TOX: variants seen among roughly 807,000 people sequenced by gnomAD.
The protein encoded by TOX is thymocyte selection-associated high mobility group box protein TOX.
A neutral mutation model predicts 53.7 loss-of-function variants in TOX; 11 were observed. The ratio of observed to expected loss-of-function variants is 0.20; its 90% CI spans 0.13 to 0.34. TOX has a LOEUF of 0.34. Ranked by LOEUF, TOX falls within the 10% of genes least tolerant of loss-of-function variation. The pLI is 1.00. For synonymous variants in TOX, 225 were observed against 245.3 expected, an observed-to-expected ratio of 0.92 and a Z score of 0.77; for missense variants, 570 against 664.6, an observed-to-expected ratio of 0.86 and a Z score of 1.56.
At chr8:58,967,154 G>A (rs545270126) in intron 1 of TOX, among the ~76,000 whole-genome samples, 79 of 152,218 alleles carry the variant, frequency 5.2e-4, no homozygotes, top group Middle Eastern at 3.4e-3. Context: ...GATTACAGGC[G>A]TGAGCCACCA....
intron 1 of TOX, among the ~76,000 whole-genome samples, chr8:58,967,614 C>G (rs1404235707): frequency 6.6e-6 from 1 of 152,206 alleles, no homozygotes; most frequent in African/African-American, 2.4e-5. Flanking sequence ...GGGTAACATA[C>G]TCTGAGAGTG....
At chr8:58,852,754 G>A (rs1810846632) in intron 3 of TOX, among the ~76,000 whole-genome samples, 1 of 152,126 alleles carries the variant, frequency 6.6e-6, no homozygotes, top group African/African-American at 2.4e-5. Flanking sequence ...CAGGCAGGTA[G>A]AGGGCACACA....
intron 1 of TOX, among the ~76,000 whole-genome samples, chr8:59,009,119 T>G (rs1481796467): frequency 6.6e-6 from 1 of 151,678 alleles, no homozygotes; most frequent in Non-Finnish European, 1.5e-5. Context: ...CCATCCTACT[T>G]TCTTCTCTCC....
intron 1 of TOX, among the ~76,000 whole-genome samples, chr8:59,092,300 T>TAC (rs1563443769): frequency 3.4e-4 from 37 of 109,774 alleles, no homozygotes; most frequent in African/African-American, 2.0e-3. Context: ...ACATTATATA[T>TAC]ATTATATATT....
chr8:58,966,289 A>C (rs756871330), intron 1 of TOX, among the ~76,000 whole-genome samples: 4 of 152,198 alleles, frequency 2.6e-5, no homozygotes, highest in Non-Finnish European at 4.4e-5. Context: ...GATCACACTG[A>C]AAGGAAAGAG....
intron 1 of TOX, among the ~76,000 whole-genome samples, chr8:59,063,574 C>T (rs938599993): frequency 6.6e-6 from 1 of 151,858 alleles, no homozygotes; most frequent in East Asian, 1.9e-4. Flanking sequence ...CAGGTGCATG[C>T]CACCACGCCG....
intron 6 of TOX, among the ~76,000 whole-genome samples, chr8:58,823,887 C>T (rs1810322349): frequency 6.6e-6 from 1 of 152,134 alleles, no homozygotes; most frequent in South Asian, 2.1e-4. Context: ...AATGCAAAGT[C>T]ATATTTGGGG....
chr8:58,930,635 A>G (rs1426804512), intron 3 of TOX, among the ~76,000 whole-genome samples: 1 of 152,160 alleles, frequency 6.6e-6, no homozygotes, highest in Non-Finnish European at 1.5e-5. Flanking sequence ...TCAGTTCTAG[A>G]AGAAGCACTG....
chr8:58,896,022 A>G (rs1811638325), intron 3 of TOX, among the ~76,000 whole-genome samples: 1 of 152,232 alleles, frequency 6.6e-6, no homozygotes, highest in African/African-American at 2.4e-5. Flanking sequence ...GGAGTAGTTA[A>G]TAAATATCAG....
At chr8:58,893,335 GTTTATC>G (rs1325290132) in intron 3 of TOX, among the ~76,000 whole-genome samples, 1 of 152,046 alleles carries the variant, frequency 6.6e-6, no homozygotes, top group Non-Finnish European at 1.5e-5. Context: ...CGAAGACATT[GTTTATC>G]TTTATATAAT....
At chr8:58,849,815 A>G (rs1445948261) in intron 4 of TOX, among the ~76,000 whole-genome samples, 1 of 152,220 alleles carries the variant, frequency 6.6e-6, no homozygotes, top group East Asian at 1.9e-4. Flanking sequence ...TATAGTACAT[A>G]TCATCTGTGT....
intron 1 of TOX, among the ~76,000 whole-genome samples, chr8:58,966,303 A>G (rs1265515380): frequency 6.6e-6 from 1 of 152,246 alleles, no homozygotes; most frequent in Non-Finnish European, 1.5e-5. Flanking sequence ...GAAAGAGACC[A>G]GACTGAGCCG....
At chr8:59,030,039 A>T (rs187783253) in intron 1 of TOX, among the ~76,000 whole-genome samples, 267 of 152,282 alleles carry the variant, frequency 1.8e-3, no homozygotes, top group African/African-American at 6.1e-3. Flanking sequence ...TATAATACTG[A>T]TACATCAAAT....
intron 1 of TOX, among the ~76,000 whole-genome samples, chr8:59,097,656 G>A (rs1371588622): frequency 6.6e-6 from 1 of 152,094 alleles, no homozygotes; most frequent in African/African-American, 2.4e-5. Flanking sequence ...TAACTCAACA[G>A]TTAACACTCA....
At chr8:59,000,392 A>G (rs1468423408) in intron 1 of TOX, among the ~76,000 whole-genome samples, 1 of 152,322 alleles carries the variant, frequency 6.6e-6, no homozygotes, top group East Asian at 1.9e-4. Context: ...GAGGTGCTAG[A>G]GGCTAGATGA....
chr8:59,086,961 C>T (rs895088239), intron 1 of TOX, among the ~76,000 whole-genome samples: 1 of 151,972 alleles, frequency 6.6e-6, no homozygotes, highest in African/African-American at 2.4e-5. Flanking sequence ...AGGTTCAGTG[C>T]CCTTATGGAG....
intron 1 of TOX, among the ~76,000 whole-genome samples, chr8:59,036,729 C>G (rs1469685518): frequency 6.6e-6 from 1 of 152,166 alleles, no homozygotes; most frequent in East Asian, 1.9e-4. Flanking sequence ...CATTACTGGT[C>G]TTAACACTGA....
chr8:59,040,479 T>G (rs777087552), intron 1 of TOX, among the ~76,000 whole-genome samples: 9 of 152,216 alleles, frequency 5.9e-5, no homozygotes, highest in Non-Finnish European at 1.3e-4. Context: ...ATCATGGGCA[T>G]TTTGTCAAGC....
intron 3 of TOX, among the ~76,000 whole-genome samples, chr8:58,937,894 T>C (rs1343859494): frequency 6.6e-6 from 1 of 152,040 alleles, no homozygotes; most frequent in African/African-American, 2.4e-5. Flanking sequence ...CAAAGAGAAG[T>C]AGGCAGGTGA....
Sources: allele counts gnomAD v4.1 joint callset (sites outside exome capture counted in the v4.1 genomes callset), GRCh38; gene constraint gnomAD v4.1.1; transcripts MANE v1.5; gene names NCBI Gene and HGNC (gene_info 2026-07-23, HGNC 2026-07-21).